LUM: variants seen among roughly 807,000 people sequenced by gnomAD.
LUM encodes the protein lumican, also known as KSPG lumican.
LUM carries 13 observed loss-of-function variants against 20.5 expected under a neutral mutation model. The observed-to-expected ratio is 0.63, with a 90% CI of 0.41 to 1.01. The LOEUF (loss-of-function observed/expected upper bound fraction) is 1.01, where lower values mean the gene tolerates loss of function less well. Ranked by LOEUF, LUM falls within the 50% of genes least tolerant of loss-of-function variation. The probability of loss-of-function intolerance (pLI) is 0.00; values close to 1 mark genes in which losing one functional copy is unlikely to be tolerated. For synonymous variants in LUM, 173 were observed against 151.5 expected, an observed-to-expected ratio of 1.14 and a Z score of -1.04; for missense variants, 321 against 391.1, an observed-to-expected ratio of 0.82 and a Z score of 1.51.
In LUM at chr12:91,108,728, CT is replaced by C; in HGVS notation, c.251del (p.Lys84ArgfsTer6). 1 of 1,614,086 alleles carries C rather than the reference CT, an allele frequency of 6.2e-7. No homozygotes were observed. Among genetic ancestry groups the C allele is most frequent in the South Asian group, 1.1e-5 (1 of 91,080 alleles). Reference protein sequence around the residue: ...RNNQIDHIDEKAFENVTDLQW... With the variant: ...RNNQIDHIDEXAFENVTDLQW... ...GCAGATCAGTTACATTCTCAAAGGC[CT>C]TTTCATCAATATGGTCAATCTGGTT... On this transcript the variant is annotated frameshift_variant, in exon 2 of 3. Coordinates refer to ENST00000266718, the MANE Select transcript of LUM (RefSeq NM_002345.4). LOFTEE classifies it high-confidence loss of function. This position sits in a 1 kb window ranked among gnomAD's most constrained non-coding sequence, Gnocchi z 4.2.
intron 2 of LUM, among the ~76,000 whole-genome samples, chr12:91,107,047 G>A (rs1880050569): frequency 1.3e-5 from 2 of 150,780 alleles, no homozygotes; most frequent in Admixed American, 1.3e-4. Flanking sequence ...GTGGTGGCCT[G>A]AGGTGGGAGA....
intron 2 of LUM, among the ~76,000 whole-genome samples, chr12:91,105,680 T>G (rs1029723814): frequency 1.3e-5 from 2 of 152,146 alleles, no homozygotes; most frequent in Non-Finnish European, 2.9e-5. Context: ...GAAAGGAAAC[T>G]ATTATGTTAC....
intron 1 of LUM, among the ~76,000 whole-genome samples, chr12:91,109,269 C>T (rs79168784): frequency 2.6e-5 from 4 of 152,024 alleles, no homozygotes; most frequent in Non-Finnish European, 2.9e-5. Flanking sequence ...CAGTCAATCT[C>T]CAGGCTCTTC....
chr12:91,108,213 A>G lies in LUM; in HGVS notation c.767T>C (p.Leu256Pro). Reference protein sequence around the residue: ...IPGNSFNVSSLVELDLSYNKL... With the variant: ...IPGNSFNVSSPVELDLSYNKL... ...GTTATAGGACAGATCCAGCTCAACC[A>G]GGGATGACACATTGAAAGAATTTCC... Residue 256 changes from leucine to proline, a missense_variant, in exon 2 of 3, where the codon CTG becomes CCG. Transcript: ENST00000266718. This position sits in a 1 kb window ranked among gnomAD's most constrained non-coding sequence, Gnocchi z 4.2. 6.2e-7 allele frequency: 1 copy of G among 1,614,162 alleles called. No homozygotes were observed. The highest frequency in any genetic ancestry group is 8.5e-7 in the Non-Finnish European group (1 of 1,180,004).
In LUM at chr12:91,108,865, G is replaced by T; in HGVS notation, c.115C>A (p.Pro39Thr). The T allele has an allele frequency of 1.2e-6, 2 of 1,613,926 alleles. No individual in the cohort carries two copies. The highest frequency in any genetic ancestry group is 1.7e-6 in the Non-Finnish European group (2 of 1,179,990). ...TAGCTTTCAGGGCAGTTACATTCTG[G>T]TGCACAGTTTGGTGATGATTGCCCA... ...IYGQSSPNCA[P>T]ECNCPESYPS... is the part of the protein sequence containing the mutation. Residue 39 changes from proline to threonine, a missense_variant, in exon 2 of 3, where the codon CCA becomes ACA. Transcript: ENST00000266718. This position sits in a 1 kb window ranked among gnomAD's most constrained non-coding sequence, Gnocchi z 4.2.
At chr12:91,107,955 C>T (rs1237120702) in intron 2 of LUM, among the ~76,000 whole-genome samples, 163 bp downstream of exon 2, 6 of 152,008 alleles carry the variant, frequency 3.9e-5, no homozygotes, top group African/African-American at 9.7e-5. Context: ...CCTGGTGATC[C>T]GCCCACTTCG....
intron 1 of LUM, among the ~76,000 whole-genome samples, chr12:91,110,802 A>C (rs988249892): frequency 6.6e-6 from 1 of 152,164 alleles, no homozygotes; most frequent in Non-Finnish European, 1.5e-5. Context: ...ACCTGTGGCT[A>C]TAGAGAAAAT....
chr12:91,108,631 G>T lies in LUM; in HGVS notation c.349C>A (p.Gln117Lys). ...TGGTTTATATGCAGCTTCTTCAGTT[G>T]TTTCAATTTAGAGAAAACTCTCCCT... ...IKGRVFSKLKQLKKLHINHNN... is the reference protein window; with the variant it reads ...IKGRVFSKLKKLKKLHINHNN... The change falls in exon 2 of 3, where the codon CAA (glutamine) becomes AAA (lysine). Residue 117 changes from glutamine to lysine, a missense_variant. By Grantham distance (53) the Gln-to-Lys change is moderately conservative. Transcript: ENST00000266718. The surrounding 1 kb of genome is among the most constrained non-coding windows in gnomAD (Gnocchi z 4.2). 1.2e-6 allele frequency: 2 copies of T among 1,613,834 alleles called. No homozygotes were observed. The highest frequency in any genetic ancestry group is 1.7e-6 in the Non-Finnish European group (2 of 1,179,944).
intron 1 of LUM, among the ~76,000 whole-genome samples, chr12:91,111,014 G>T (rs1880191830): frequency 1.3e-5 from 2 of 152,198 alleles, no homozygotes; most frequent in Middle Eastern, 3.4e-3. Flanking sequence ...CTTATTAAAA[G>T]ATATTTTGAA....
chr12:91,107,821 T>G (rs537156318), intron 2 of LUM, among the ~76,000 whole-genome samples: 121 of 152,084 alleles, frequency 8.0e-4, no homozygotes, highest in African/African-American at 2.8e-3. Flanking sequence ...GTTCAAGCAA[T>G]TCTCCTGGCT....
At chr12:91,110,264 G>A (rs925346042) in intron 1 of LUM, among the ~76,000 whole-genome samples, 2 of 152,236 alleles carry the variant, frequency 1.3e-5, no homozygotes, top group Non-Finnish European at 2.9e-5. Flanking sequence ...ACAAGCTTTT[G>A]GATCAAAGTA....
Position 91,108,077 on chromosome 12 carries a change from A to G in LUM, c.862+41T>C. 1.2e-6 allele frequency: 2 copies of G among 1,608,436 alleles called. No homozygotes were observed. The highest frequency in any genetic ancestry group is 1.7e-6 in the Non-Finnish European group (2 of 1,175,376). On this transcript the variant is annotated intron_variant, in intron 2 of 2. Transcript: ENST00000266718. The surrounding 1 kb of genome is among the most constrained non-coding windows in gnomAD (Gnocchi z 4.2). Reference sequence around the variant, plus strand: ...TGTTGTGCAGCCCAGGTATTTAAACACTTGAGCACACATCAAACACAGGAA... The same window carrying G: ...TGTTGTGCAGCCCAGGTATTTAAACGCTTGAGCACACATCAAACACAGGAA...
chr12:91,103,817 T>C lies in LUM; in HGVS notation c.*348A>G, dbSNP rs761519064. The C allele has an allele frequency of 2.1e-5, 4 of 191,664 alleles. No homozygotes were observed. The highest frequency in any genetic ancestry group is 3.2e-5 in the Non-Finnish European group (3 of 92,788). 11.9% of individuals were successfully genotyped at this position (191,664 alleles called of 1,614,324 possible). ...TTGGTGCAAGAGAGTAACATCCATA[T>C]GTATTTAATCCAAGCTTTGAGGAAC... On this transcript the variant is annotated 3_prime_UTR_variant, in exon 3 of 3. Coordinates refer to ENST00000266718, the MANE Select transcript of LUM (RefSeq NM_002345.4).
At position 91,108,155 on chromosome 12, in the gene LUM, GTTT is replaced by G; in HGVS notation, c.822_824del (p.Glu274_Asn275delinsAsp). The G allele has an allele frequency of 6.2e-7, 1 of 1,613,992 alleles. No homozygotes were observed. The highest frequency in any genetic ancestry group is 8.5e-7 in the Non-Finnish European group (1 of 1,179,966). On this transcript the variant is annotated inframe_deletion, in exon 2 of 3. Transcript: ENST00000266718. This position sits in a 1 kb window ranked among gnomAD's most constrained non-coding sequence, Gnocchi z 4.2. ...TGACCTCCAGGTAATAGTTTTCAAG[GTTT>G]TCATTGACAGTTGGTATGTTTTTAA...
chr12:91,108,438 T>C lies in LUM; in HGVS notation c.542A>G (p.Lys181Arg). The change falls in exon 2 of 3, where the codon AAA becomes AGA. Residue 181 changes from lysine (K) to arginine (R), a missense_variant. Coordinates refer to ENST00000266718, the MANE Select transcript of LUM (RefSeq NM_002345.4). The surrounding 1 kb of genome is among the most constrained non-coding windows in gnomAD (Gnocchi z 4.2). ...AAGGTATTCGAGTGATTTAAGACCT[T>C]TAAAAGCAGCTGAAACAGCATCCTC... ...LKEDAVSAAFKGLKSLEYLDL... is the reference protein window; with the variant it reads ...LKEDAVSAAFRGLKSLEYLDL... 6.2e-7 allele frequency: 1 copy of C among 1,614,116 alleles called. No homozygotes were observed. Among genetic ancestry groups the C allele is most frequent in the African/African-American group, 1.3e-5 (1 of 75,042 alleles).
At position 91,104,296 on chromosome 12, in the gene LUM, T is replaced by C; in HGVS notation, c.886A>G (p.Lys296Glu). 1 of 1,612,074 alleles carries C rather than the reference T, an allele frequency of 6.2e-7. No homozygotes were observed. Among genetic ancestry groups the C allele is most frequent in the Non-Finnish European group, 8.5e-7 (1 of 1,178,984 alleles). The stretch of plus-strand genomic sequence containing the variant: ...GAGTAGGATAATGGCCCCAGGATCT[T>C]GCAGAAGCTCTTTATGTCAAACTCT... The part of the protein sequence containing the change: ...LEKFDIKSFC[K>E]ILGPLSYSKI... Residue 296 changes from lysine (K) to glutamate (E), a missense_variant, in exon 3 of 3, where the codon AAG becomes GAG. Coordinates refer to ENST00000266718, the MANE Select transcript of LUM (RefSeq NM_002345.4).
chr12:91,107,038 T>A (rs140257786), intron 2 of LUM, among the ~76,000 whole-genome samples: 1 of 149,210 alleles, frequency 6.7e-6, no homozygotes, highest in African/African-American at 2.5e-5. Flanking sequence ...CTGGTGGTGG[T>A]GGTGGCCTGA....
rs1879946323 is a variant in LUM, at chr12:91,103,172, T to C, written c.*993A>G. ...CTAAAATGATTTTTTAAATATCTAT[T>C]TCAGAAAATTTTATATTCATTCATT... On this transcript the variant is annotated 3_prime_UTR_variant, in exon 3 of 3. Transcript: ENST00000266718. 1 of 152,144 alleles carries C rather than the reference T, an allele frequency of 6.6e-6. No individual in the cohort carries two copies. 9.4% of individuals were successfully genotyped at this position (152,144 alleles called of 1,614,324 possible). A position where few individuals can be genotyped will look rare whatever the true frequency, so the allele number is the denominator to read the frequency against.
In LUM at chr12:91,108,901, G is replaced by A. The variant is rs1455251987; in HGVS notation, c.79C>T (p.Leu27=). Residue 27 remains leucine (L), a synonymous_variant, in exon 2 of 3, where the codon CTA becomes TTA. Transcript: ENST00000266718. This position sits in a 1 kb window ranked among gnomAD's most constrained non-coding sequence, Gnocchi z 4.2. ...GGTGATGATTGCCCATAAATTGATA[G>A]GGGAAAATCATAATCATAGTACTGG... The part of the protein sequence containing the change: ...SGQYYDYDFP[L]SIYGQSSPNC... 2 of 1,613,706 alleles carry A rather than the reference G, an allele frequency of 1.2e-6. No individual in the cohort carries two copies. Among genetic ancestry groups the A allele is most frequent in the African/African-American group, 2.7e-5 (2 of 74,866 alleles).
Sources: gnomAD v4.1 joint callset for allele counts (sites outside exome capture counted in the v4.1 genomes callset) on GRCh38, gnomAD v4.1.1 for gene constraint, Gnocchi (gnomAD v3.1) non-coding constraint, MANE v1.5 for transcripts, NCBI Gene and HGNC (gene_info 2026-07-23, HGNC 2026-07-21) for gene names.